COX6C: variants seen among roughly 807,000 people sequenced by gnomAD.
COX6C encodes cytochrome c oxidase subunit 6C, also known as cytochrome c oxidase polypeptide VIc.
A neutral mutation model predicts 6.9 loss-of-function variants in COX6C; 3 were observed. The observed-to-expected ratio is 0.43, with a 90% CI of 0.20 to 1.12. The LOEUF (loss-of-function observed/expected upper bound fraction) is 1.12, where lower values mean the gene tolerates loss of function less well. Ranked by LOEUF, COX6C falls within the 50% of genes most tolerant of loss-of-function variation. COX6C has a pLI of 0.27. For missense variants in COX6C, 101 were observed against 97.3 expected, an observed-to-expected ratio of 1.04 and a Z score of -0.16; for synonymous variants, 32 against 32.0, an observed-to-expected ratio of 1.00 and a Z score of 0.00.
chr8:99,884,715 C>A (rs921954321), intron 3 of COX6C, among the ~76,000 whole-genome samples: 3 of 152,140 alleles, frequency 2.0e-5, no homozygotes, highest in Non-Finnish European at 4.4e-5. Context: ...TGGTACCAAA[C>A]CCTATACAGC....
intron 3 of COX6C, among the ~76,000 whole-genome samples, chr8:99,879,233 T>C (rs1451218675): frequency 6.6e-6 from 1 of 152,206 alleles, no homozygotes; most frequent in Non-Finnish European, 1.5e-5. Flanking sequence ...CTTTTCTAGA[T>C]AATAGAACTT....
At chr8:99,880,598 G>A (rs566787500) in intron 3 of COX6C, among the ~76,000 whole-genome samples, 11 of 152,138 alleles carry the variant, frequency 7.2e-5, no homozygotes, top group East Asian at 1.9e-4. Flanking sequence ...AGAGCAGGCC[G>A]GACATGGTGG....
intron 3 of COX6C, among the ~76,000 whole-genome samples, chr8:99,883,648 T>C (rs1817902504): frequency 6.6e-6 from 1 of 151,954 alleles, no homozygotes; most frequent in African/African-American, 2.4e-5. Context: ...CCAAAAACAG[T>C]GAGGAAAAGG....
At chr8:99,883,601 C>T (rs1386833584) in intron 3 of COX6C, among the ~76,000 whole-genome samples, 1 of 151,740 alleles carries the variant, frequency 6.6e-6, no homozygotes, top group African/African-American at 2.4e-5. Flanking sequence ...CATGCCCAGC[C>T]CTCTATGAAA....
chr8:99,885,163 T>C (rs563216122), intron 3 of COX6C, among the ~76,000 whole-genome samples: 25 of 152,314 alleles, frequency 1.6e-4, no homozygotes, highest in Non-Finnish European at 1.0e-4. Flanking sequence ...ACCGCTTTAG[T>C]TCTACCCACA....
intron 2 of COX6C, among the ~76,000 whole-genome samples, chr8:99,891,118 T>C (rs1022526870): frequency 6.6e-6 from 1 of 152,280 alleles, no homozygotes; most frequent in Non-Finnish European, 1.5e-5. Flanking sequence ...TGAATTGTGT[T>C]TGACCAAAAC....
chr8:99,892,117 CACCTGGAAGCA>C, intron 1 of COX6C, 65 bp from the exon 2 acceptor site: 1 of 834,756 alleles, frequency 1.2e-6, no homozygotes, highest in Non-Finnish European at 1.9e-6. Context: ...TGAGAATGGC[CACCTGGAAGCA>C]TTGATTGGAG....
At position 99,878,215 on chromosome 8, in the gene COX6C, C is replaced by T. The variant is rs1817781064; in HGVS notation, c.*66G>A. ...GCCCACATATTCATGTGTCATAGTTCAGGAACACAAGTCAGTGACAAACTT... is the reference window on the plus strand; with the variant it reads ...GCCCACATATTCATGTGTCATAGTTTAGGAACACAAGTCAGTGACAAACTT... On this transcript the variant is annotated 3_prime_UTR_variant, in exon 4 of 4. Coordinates refer to ENST00000520468, the MANE Select transcript of COX6C (RefSeq NM_004374.4). 2.0e-5 allele frequency: 3 copies of T among 152,190 alleles called. No homozygotes were observed. In the South Asian group the frequency reaches 6.2e-4, roughly 32 times the overall value. 9.4% of individuals were successfully genotyped at this position (152,190 alleles called of 1,614,324 possible). A position where few individuals can be genotyped will look rare whatever the true frequency, so the allele number is the denominator to read the frequency against.
intron 2 of COX6C, among the ~76,000 whole-genome samples, chr8:99,889,546 C>T (rs1269631083): frequency 1.3e-5 from 2 of 151,790 alleles, no homozygotes; most frequent in Non-Finnish European, 2.9e-5. Context: ...ACACCACGCC[C>T]GGCTAATTTT....
At chr8:99,886,651 C>T (rs557261261) in intron 3 of COX6C, among the ~76,000 whole-genome samples, 1 of 150,990 alleles carries the variant, frequency 6.6e-6, no homozygotes, top group South Asian at 2.1e-4. Context: ...TGTGACACAA[C>T]TAAAATAGAT....
chr8:99,889,816 T>C (rs185502352), intron 2 of COX6C, among the ~76,000 whole-genome samples: 2,488 of 151,314 alleles, frequency 0.016, 66 homozygotes, highest in African/African-American at 0.057. Context: ...TGCGACCGGG[T>C]GCGGTGGCTC....
chr8:99,886,947 A>C (rs1250335355), intron 3 of COX6C: 4 of 152,266 alleles, frequency 2.6e-5, no homozygotes, highest in Non-Finnish European at 4.4e-5. Flanking sequence ...AACACTACTA[A>C]ACTGTACAAT....
In COX6C at chr8:99,892,053, C is replaced by T; in HGVS notation, c.-31-1G>A. ...TACTGTCCTTGATACGTATGCTAAC[C>T]TTAAGAGATTCAGAAAATATGATTA... On this transcript the variant is annotated splice_acceptor_variant, in intron 1 of 3. Coordinates refer to ENST00000520468, the MANE Select transcript of COX6C (RefSeq NM_004374.4). LOFTEE classifies it low-confidence loss of function (5UTR_SPLICE). 2 of 1,490,330 alleles carry T rather than the reference C, an allele frequency of 1.3e-6. No homozygotes were observed. Among genetic ancestry groups the T allele is most frequent in the Non-Finnish European group, 1.8e-6 (2 of 1,088,158 alleles). 92.3% of individuals were successfully genotyped at this position (1,490,330 alleles called of 1,614,324 possible).
intron 2 of COX6C, among the ~76,000 whole-genome samples, chr8:99,889,297 C>CTT (rs35209925): frequency 2.7e-5 from 4 of 149,016 alleles, no homozygotes; most frequent in South Asian, 2.1e-4. Context: ...TTCTCCCTAA[C>CTT]TTTTTTTTTT....
chr8:99,880,830 T>TA (rs1186225099), intron 3 of COX6C, among the ~76,000 whole-genome samples: 3 of 151,760 alleles, frequency 2.0e-5, no homozygotes, highest in Non-Finnish European at 4.4e-5. Flanking sequence ...GCAGAGAGCT[T>TA]AAAAAAACAA....
intron 3 of COX6C, among the ~76,000 whole-genome samples, chr8:99,885,705 A>AT (rs1289213927): frequency 2.0e-5 from 3 of 152,224 alleles, no homozygotes; most frequent in African/African-American, 7.2e-5. Context: ...GAACACATAA[A>AT]AAAGACTTCA....
intron 3 of COX6C, 63 bp downstream of exon 3, chr8:99,887,427 C>T (rs1563528213): frequency 1.1e-6 from 1 of 878,646 alleles, no homozygotes; most frequent in Admixed American, 3.2e-5. Flanking sequence ...GGACAGTCAC[C>T]TGTATTTGCA....
In COX6C at chr8:99,893,648, A is replaced by T. The variant is rs544610191; in HGVS notation, c.-41T>A. Reference sequence around the variant, plus strand: ...AAGGGACCGGACTCACCTCAACACCAACGTCCTTCCTGACTAAAGGAAAAA... The same window carrying T: ...AAGGGACCGGACTCACCTCAACACCTACGTCCTTCCTGACTAAAGGAAAAA... On this transcript the variant is annotated 5_prime_UTR_variant, in exon 1 of 4. Transcript: ENST00000520468. 2.6e-5 allele frequency: 4 copies of T among 152,378 alleles called. No individual in the cohort carries two copies. The highest frequency in any genetic ancestry group is 3.9e-4 in the East Asian group (2 of 5,188). 9.4% of individuals were successfully genotyped at this position (152,378 alleles called of 1,614,324 possible). A position where few individuals can be genotyped will look rare whatever the true frequency, so the allele number is the denominator to read the frequency against.
chr8:99,880,072 C>T (rs1260226094), intron 3 of COX6C, among the ~76,000 whole-genome samples: 1 of 152,162 alleles, frequency 6.6e-6, no homozygotes, highest in African/African-American at 2.4e-5. Flanking sequence ...TGCACAGGCC[C>T]AGGGAAGATG....
Sources: gnomAD v4.1 joint callset for allele counts (sites outside exome capture counted in the v4.1 genomes callset) on GRCh38, gnomAD v4.1.1 for gene constraint, MANE v1.5 for transcripts, NCBI Gene and HGNC (gene_info 2026-07-23, HGNC 2026-07-21) for gene names.